Variants in SIK3 observed in about 807,000 individuals in gnomAD.
The protein encoded by SIK3 is SIK family kinase 3.
Under a neutral mutation model 144.2 loss-of-function variants are expected in SIK3, and 28 were observed. The ratio of observed to expected loss-of-function variants is 0.19; its 90% CI spans 0.14 to 0.27. The LOEUF is 0.27. Ranked by LOEUF, SIK3 falls within the 10% of genes least tolerant of loss-of-function variation. SIK3 has a pLI of 1.00. For missense variants in SIK3, 1,319 were observed against 1,776.0 expected (o/e 0.74, Z 4.62); for synonymous variants, 686 against 676.3 (o/e 1.01, Z -0.22).
At chr11:116,898,223 T>A (rs1331952314) in intron 4 of SIK3, among the ~76,000 whole-genome samples, 1 of 151,636 alleles carries the variant, frequency 6.6e-6, no homozygotes, top group Non-Finnish European at 1.5e-5. Context: ...GAACATGCGA[T>A]GTTTGGTTTT....
At chr11:117,023,639 T>C (rs976943765) in intron 1 of SIK3, among the ~76,000 whole-genome samples, 1 of 144,080 alleles carries the variant, frequency 6.9e-6, no homozygotes, top group Non-Finnish European at 1.5e-5. Flanking sequence ...TATATATATA[T>C]ATATATTGCA....
chr11:117,061,198 G>C (rs190078061), intron 1 of SIK3, among the ~76,000 whole-genome samples: 10 of 151,980 alleles, frequency 6.6e-5, no homozygotes, highest in Non-Finnish European at 1.0e-4. Flanking sequence ...GGTAAGCTGC[G>C]ATCATACCAC....
At chr11:117,093,831 AG>A (rs758043846) in intron 1 of SIK3, among the ~76,000 whole-genome samples, 1 of 152,184 alleles carries the variant, frequency 6.6e-6, no homozygotes, top group African/African-American at 2.4e-5. Flanking sequence ...GTCTATCGTC[AG>A]GATGGCATCT....
rs760587578 is a variant in SIK3 at position 116,857,952 on chromosome 11, G to A, written c.3513C>T (p.Asp1171=). 1.9e-6 allele frequency: 3 copies of A among 1,614,222 alleles called. No homozygotes were observed. Among genetic ancestry groups the A allele is most frequent in the South Asian group, 1.1e-5 (1 of 91,086 alleles). ...CACCGGTACTCAAGAGCAGAGGGCT[G>A]TCATGGCAACCTTTGGTCAATGTAC... ...SSSTLTKGCH[D]SPLLLSTGGP... Residue 1171 remains aspartate (D), a synonymous_variant, in exon 21 of 25, where the codon GAC becomes GAT. Coordinates refer to ENST00000445177, the MANE Select transcript of SIK3 (RefSeq NM_001366686.3).
intron 1 of SIK3, among the ~76,000 whole-genome samples, chr11:116,967,956 C>T (rs1435255690): frequency 6.6e-6 from 1 of 152,126 alleles, no homozygotes; most frequent in Non-Finnish European, 1.5e-5. Context: ...TGTGTGATGG[C>T]TTGTGCATTT....
At chr11:117,072,505 T>C (rs558510305) in intron 1 of SIK3, among the ~76,000 whole-genome samples, 1 of 152,222 alleles carries the variant, frequency 6.6e-6, no homozygotes, top group Non-Finnish European at 1.5e-5. Context: ...TTCACTAAGA[T>C]AGCTATTCAT....
At chr11:116,860,121 T>C (rs969108752) in intron 19 of SIK3, among the ~76,000 whole-genome samples, 2 of 151,956 alleles carry the variant, frequency 1.3e-5, no homozygotes, top group African/African-American at 4.8e-5. Flanking sequence ...GGCGGGCGCC[T>C]GTAATCCCAG....
chr11:117,071,777 G>C (rs1423463191), intron 1 of SIK3, among the ~76,000 whole-genome samples: 10 of 141,280 alleles, frequency 7.1e-5, no homozygotes, highest in South Asian at 2.2e-4. Context: ...CACCATGCTT[G>C]GTTAATTTTT....
intron 21 of SIK3, among the ~76,000 whole-genome samples, chr11:116,855,099 A>AAAC (rs1442626994): frequency 4.1e-5 from 6 of 146,498 alleles, no homozygotes; most frequent in Non-Finnish European, 9.1e-5. Flanking sequence ...AAAAAAAAAA[A>AAAC]AAAAAAAAAA....
intron 1 of SIK3, among the ~76,000 whole-genome samples, chr11:116,986,579 C>T (rs1950333021): frequency 6.6e-6 from 1 of 152,302 alleles, no homozygotes; most frequent in African/African-American, 2.4e-5. Flanking sequence ...CTTTATGTAT[C>T]TATACATTGT....
chr11:117,021,778 CAA>C (rs1320458905), intron 1 of SIK3, among the ~76,000 whole-genome samples: 1 of 151,490 alleles, frequency 6.6e-6, no homozygotes, highest in African/African-American at 2.4e-5. Context: ...GGCAACGTAA[CAA>C]GACGTCATCT....
chr11:116,887,262 A>G (rs961002427), intron 6 of SIK3, among the ~76,000 whole-genome samples: 16 of 151,288 alleles, frequency 1.1e-4, no homozygotes, highest in Admixed American at 9.9e-4. Flanking sequence ...AAAAAAAAAA[A>G]AAAAGTATAT....
chr11:116,878,676 G>C (rs564970246), intron 6 of SIK3, among the ~76,000 whole-genome samples: 2 of 152,284 alleles, frequency 1.3e-5, no homozygotes, highest in Admixed American at 1.3e-4. Flanking sequence ...CACCGCGCTT[G>C]GCCCCCTACT....
chr11:117,081,851 A>C (rs1954803479), intron 1 of SIK3, among the ~76,000 whole-genome samples: 1 of 152,206 alleles, frequency 6.6e-6, no homozygotes, highest in Non-Finnish European at 1.5e-5. Flanking sequence ...CTGAAAAGAC[A>C]ACCCACAGAA....
In SIK3 at chr11:117,098,272, C is replaced by A; in HGVS notation, c.144G>T (p.Pro48=). The A allele has an allele frequency of 7.3e-7, 1 of 1,363,442 alleles. No individual in the cohort carries two copies. The highest frequency in any genetic ancestry group is 9.5e-7 in the Non-Finnish European group (1 of 1,048,632). 84.5% of individuals were successfully genotyped at this position (1,363,442 alleles called of 1,614,324 possible). A position where few individuals can be genotyped will look rare whatever the true frequency, so the allele number is the denominator to read the frequency against. ...CGCGGGAGGCCGGGGCTGGGGGACG[C>A]GGCTGGCCGGCCGCAGGGGACACGG... is the stretch of plus-strand genomic sequence containing the variant. ...PAAVSPAAGQ[P]RPPAPASRGP... is the part of the protein sequence containing the mutation. Residue 48 remains proline (P), a synonymous_variant, in exon 1 of 25, where the codon CCG becomes CCT. Transcript: ENST00000445177.
rs116724124 is a variant in SIK3, at chr11:117,067,092, C to T, written c.273+31051G>A. ...TTGCTAAAGAGAATATAAAATGGTA[C>T]GGCAACTTTGGAAGACAATTTGGCA... On this transcript the variant is annotated intron_variant, in intron 1 of 24. Coordinates refer to ENST00000445177, the MANE Select transcript of SIK3 (RefSeq NM_001366686.3). 7.5e-3 allele frequency among the ~76,000 whole-genome samples: 1,145 copies of T among 152,164 alleles called. 13 individuals are homozygous for T. The highest frequency in any genetic ancestry group is 0.027 in the African/African-American group (1,101 of 41,508).
chr11:116,903,547 C>T (rs557100481), intron 4 of SIK3, among the ~76,000 whole-genome samples: 1 of 152,320 alleles, frequency 6.6e-6, no homozygotes, highest in Admixed American at 6.5e-5. Context: ...AGAATTCTCA[C>T]TGGCTTAAGT....
intron 1 of SIK3, among the ~76,000 whole-genome samples, chr11:117,013,703 A>C (rs1159526410): frequency 1.3e-5 from 2 of 151,920 alleles, no homozygotes; most frequent in Non-Finnish European, 2.9e-5. Flanking sequence ...GCTTTAAAAA[A>C]AAAATGCTTC....
chr11:116,933,838 C>T (rs1947761165), intron 3 of SIK3, among the ~76,000 whole-genome samples: 1 of 152,164 alleles, frequency 6.6e-6, no homozygotes, highest in African/African-American at 2.4e-5. Context: ...GATGGGTTCC[C>T]AGCTCATGAC....
Sources: gnomAD v4.1 joint callset for allele counts (sites outside exome capture counted in the v4.1 genomes callset) on GRCh38, gnomAD v4.1.1 for gene constraint, MANE v1.5 for transcripts, NCBI Gene and HGNC (gene_info 2026-07-23, HGNC 2026-07-21) for gene names.